Variants in GLIS3 observed in about 807,000 individuals in gnomAD.
The protein encoded by GLIS3 is zinc finger protein GLIS3.
Under a neutral mutation model 78.6 loss-of-function variants are expected in GLIS3, and 53 were observed. The ratio of observed to expected loss-of-function variants is 0.67; its 90% CI spans 0.54 to 0.85. The LOEUF (loss-of-function observed/expected upper bound fraction) is 0.85. GLIS3 is among the 40% of genes least tolerant of loss of function. GLIS3 has a pLI of 0.00. For missense variants in GLIS3, 1,703 were observed against 1,231.1 expected, an observed-to-expected ratio of 1.38 and a Z score of -5.74; for synonymous variants, 684 against 509.9, an observed-to-expected ratio of 1.34 and a Z score of -4.60.
chr9:4,117,618 C>T, intron 4 of GLIS3, 150 bp downstream of exon 4: 2 of 849,958 alleles, frequency 2.4e-6, no homozygotes, highest in Admixed American at 1.8e-5. Flanking sequence ...AAGAAATCTT[C>T]CCCTTCCTCA....
intron 4 of GLIS3, among the ~76,000 whole-genome samples, chr9:3,953,469 C>A (rs1360504364): frequency 6.6e-6 from 1 of 152,174 alleles, no homozygotes; most frequent in African/African-American, 2.4e-5. Context: ...GATCTTTACA[C>A]TGACTTCCAC....
intron 2 of GLIS3, among the ~76,000 whole-genome samples, chr9:4,141,296 A>G (rs1833794864): frequency 6.6e-6 from 1 of 152,190 alleles, no homozygotes; most frequent in Admixed American, 6.5e-5. Flanking sequence ...ACAGCTCCCA[A>G]GGAAGGCAGT....
intron 2 of GLIS3, among the ~76,000 whole-genome samples, chr9:4,276,578 A>C (rs959651363): frequency 1.5e-4 from 22 of 145,300 alleles, no homozygotes; most frequent in African/African-American, 5.0e-4. Flanking sequence ...GAAGAGAAGA[A>C]AGAAAATGCT....
intron 4 of GLIS3, among the ~76,000 whole-genome samples, chr9:4,033,521 G>A (rs1321916992): frequency 6.6e-6 from 1 of 152,100 alleles, no homozygotes; most frequent in Non-Finnish European, 1.5e-5. Flanking sequence ...GAAAAGAGAA[G>A]ATGGAGAAGG....
rs114832384 is a variant in GLIS3, at chr9:4,151,429, G to A, written c.389-25488C>T. On this transcript the variant is annotated intron_variant, in intron 2 of 10. Transcript: ENST00000381971. ...TTATTCATCCACCAAATGTAAATCT[G>A]CCACTGAACCAACATTCAGACTGCT... Among the ~76,000 whole-genome samples the A allele has an allele frequency of 7.9e-3, 1,205 of 152,280 alleles. 18 individuals carry two copies. The highest frequency in any genetic ancestry group is 0.028 in the African/African-American group (1,154 of 41,544).
chr9:4,463,594 G>C, the GLIS3 span, among the ~76,000 whole-genome samples: 7 of 152,268 alleles, frequency 4.6e-5, no homozygotes, highest in South Asian at 4.1e-4. Context: ...AATCCGCCTA[G>C]AGATATCTGC....
At chr9:4,358,334 AG>A in the GLIS3 span, among the ~76,000 whole-genome samples, 2 of 48,284 alleles carry the variant, frequency 4.1e-5, no homozygotes, top group Non-Finnish European at 1.1e-4. Context: ...TACAAAAAAA[AG>A]AGACTAATAC....
In GLIS3 at chr9:4,096,904, C is replaced by T. The variant is rs1481403439; in HGVS notation, c.1710+20864G>A. ...GCAGGCGCCTGTAATCCCAGCTACT[C>T]GGGAGGCTGAGGCAGGAGAATCTCT... is the stretch of plus-strand genomic sequence containing the variant. On this transcript the variant is annotated intron_variant, in intron 4 of 10. Transcript: ENST00000381971. Among the ~76,000 whole-genome samples, 4 of 152,004 alleles carry T rather than the reference C, an allele frequency of 2.6e-5. No homozygotes were observed. In the South Asian group the frequency reaches 6.3e-4, roughly 24 times the overall value.
At position 4,308,080 on chromosome 9, in the gene GLIS3, T is replaced by C. The variant is rs535653584; in HGVS notation, n.584+697A>G. Among the ~76,000 whole-genome samples, 3 of 152,248 alleles carry C rather than the reference T, an allele frequency of 2.0e-5. No homozygotes were observed. In the South Asian group the frequency reaches 6.2e-4, roughly 32 times the overall value. On this transcript the variant is annotated intron_variant and non_coding_transcript_variant, in intron 4 of 4. Transcript: ENST00000471664. ...ACACTGTCCTTACAGTATTTAATGC[T>C]CTTGATACTATCTGGGGCCTGGCCA...
intron 2 of GLIS3, among the ~76,000 whole-genome samples, chr9:4,231,947 T>C (rs1384749999): frequency 1.3e-5 from 2 of 152,196 alleles, no homozygotes; most frequent in African/African-American, 2.4e-5. Context: ...TGATCCACAA[T>C]AGGCAATTTG....
chr9:3,915,641 C>G (rs1178959659), intron 6 of GLIS3, among the ~76,000 whole-genome samples: 1 of 152,140 alleles, frequency 6.6e-6, no homozygotes, highest in Non-Finnish European at 1.5e-5. Context: ...GTGTCTAACT[C>G]CATTTGCAAA....
intron 2 of GLIS3, among the ~76,000 whole-genome samples, chr9:4,340,271 T>C (rs779660287): frequency 6.9e-6 from 1 of 145,392 alleles, no homozygotes; most frequent in Non-Finnish European, 1.5e-5. Flanking sequence ...AGATAGAAGT[T>C]TAGGAATTAC....
chr9:4,379,393 A>C, the GLIS3 span, among the ~76,000 whole-genome samples: 1 of 152,266 alleles, frequency 6.6e-6, no homozygotes, highest in African/African-American at 2.4e-5. Context: ...CCAAATTCAA[A>C]TGCTAAAGAT....
chr9:4,158,080 T>A (rs76773238), intron 2 of GLIS3, among the ~76,000 whole-genome samples: 1,878 of 152,292 alleles, frequency 0.012, 36 homozygotes, highest in African/African-American at 0.042. Context: ...TTAACACACA[T>A]GCCTCATCCA....
intron 7 of GLIS3, among the ~76,000 whole-genome samples, chr9:3,890,503 G>A (rs892104399): frequency 3.9e-5 from 6 of 151,982 alleles, no homozygotes; most frequent in Non-Finnish European, 8.8e-5. Context: ...AAGCAAGAAG[G>A]AAAGAAAAAA....
At chr9:4,250,786 T>G (rs1038606476) in intron 2 of GLIS3, among the ~76,000 whole-genome samples, 3 of 152,250 alleles carry the variant, frequency 2.0e-5, no homozygotes, top group Non-Finnish European at 4.4e-5. Flanking sequence ...GCTTTAGCTG[T>G]GTCCCAGAGA....
At chr9:4,079,721 T>C (rs1828386494) in intron 4 of GLIS3, among the ~76,000 whole-genome samples, 1 of 151,718 alleles carries the variant, frequency 6.6e-6, no homozygotes, top group Non-Finnish European at 1.5e-5. Flanking sequence ...AGGCCTTCTT[T>C]TCTACCTTTG....
At chr9:4,004,707 T>G (rs1362035081) in intron 4 of GLIS3, among the ~76,000 whole-genome samples, 1 of 152,190 alleles carries the variant, frequency 6.6e-6, no homozygotes, top group East Asian at 1.9e-4. Context: ...TAAAGTTTCA[T>G]AGAACACTGA....
At chr9:4,271,522 G>C (rs1326016640) in intron 2 of GLIS3, among the ~76,000 whole-genome samples, 3 of 152,206 alleles carry the variant, frequency 2.0e-5, no homozygotes, top group Admixed American at 1.3e-4. Context: ...GATGTATAAA[G>C]AGAAGCACAG....
Sources: allele counts gnomAD v4.1 joint callset (sites outside exome capture counted in the v4.1 genomes callset), GRCh38; gene constraint gnomAD v4.1.1; transcripts MANE v1.5; gene names NCBI Gene and HGNC (gene_info 2026-07-23, HGNC 2026-07-21).